Variants in DSCAML1 observed in about 807,000 individuals in gnomAD.
DSCAML1 encodes cell adhesion molecule DSCAML1.
DSCAML1 carries 38 observed loss-of-function variants against 200.5 expected under a neutral mutation model. The ratio of observed to expected loss-of-function variants is 0.19; its 90% confidence interval spans 0.15 to 0.25. DSCAML1 has a LOEUF of 0.25. Ranked by LOEUF, DSCAML1 falls within the 10% of genes least tolerant of loss-of-function variation. DSCAML1 has a pLI of 1.00. For missense variants in DSCAML1, 2,223 were observed against 2,858.8 expected (o/e 0.78, Z 5.07); for synonymous variants, 1,215 against 1,165.0 (o/e 1.04, Z -0.87).
At chr11:117,435,950 C>A (rs1444566211) in intron 26 of DSCAML1, 151 bp from the exon 27 acceptor site, 2 of 777,974 alleles carry the variant, frequency 2.6e-6, no homozygotes, top group African/African-American at 1.7e-5. Flanking sequence ...TTCCCCTCTG[C>A]TCCCCAAATT....
chr11:117,429,077 G>A (rs914751029), intron 32 of DSCAML1, among the ~76,000 whole-genome samples: 19 of 152,222 alleles, frequency 1.2e-4, no homozygotes, highest in Non-Finnish European at 2.2e-4. Context: ...TGCTACAGTG[G>A]CTGGTGCAGA....
chr11:117,703,561 T>C (rs1162998693), intron 3 of DSCAML1, among the ~76,000 whole-genome samples: 5 of 152,144 alleles, frequency 3.3e-5, no homozygotes, highest in Non-Finnish European at 2.9e-5. Context: ...TTAGGCCCAT[T>C]AGCCCATCCT....
chr11:117,703,057 G>A lies in DSCAML1; in HGVS notation c.511+73734C>T, dbSNP rs535446880. Among the ~76,000 whole-genome samples, 44 of 152,294 alleles carry A rather than the reference G, an allele frequency of 2.9e-4. No individual in the cohort carries two copies. In the South Asian group the frequency reaches 7.9e-3, roughly 27 times the overall value. ...TGTGACTGCAGTTGTGGGTCATGCC[G>A]TAAAGATGCACATAAAAGGGCTTAG... On this transcript the variant is annotated intron_variant, in intron 3 of 32. Transcript: ENST00000651296.
intron 3 of DSCAML1, among the ~76,000 whole-genome samples, chr11:117,640,981 G>A (rs367792255): frequency 1.4e-4 from 22 of 152,336 alleles, no homozygotes; most frequent in African/African-American, 5.1e-4. Flanking sequence ...CAGACACATA[G>A]CCGTAACTCT....
chr11:117,649,405 C>T (rs756707360), intron 3 of DSCAML1, among the ~76,000 whole-genome samples: 9 of 152,172 alleles, frequency 5.9e-5, no homozygotes, highest in Non-Finnish European at 1.2e-4. Flanking sequence ...AAGAGAAAGC[C>T]TTTCCCTTAA....
chr11:117,797,148 G>A lies in DSCAML1; in HGVS notation c.-69C>T, dbSNP rs1361324595. The stretch of plus-strand genomic sequence containing the variant: ...GGCCGTGCGGCAGCGCCTCTCCCCC[G>A]CTCAGCGCGCTCCCAGCCGCCCGCA... On this transcript the variant is annotated 5_prime_UTR_variant, in exon 1 of 33. Coordinates refer to ENST00000651296, the MANE Select transcript of DSCAML1 (RefSeq NM_020693.4). The A allele has an allele frequency of 3.1e-6, 5 of 1,588,372 alleles. No individual in the cohort carries two copies. Among genetic ancestry groups the A allele is most frequent in the Non-Finnish European group, 4.3e-6 (5 of 1,168,800 alleles).
At chr11:117,548,657 A>T (rs1482911256) in intron 3 of DSCAML1, among the ~76,000 whole-genome samples, 1 of 152,118 alleles carries the variant, frequency 6.6e-6, no homozygotes, top group African/African-American at 2.4e-5. Context: ...ACCTCCCCAT[A>T]ACAGCTGGGC....
chr11:117,694,811 T>C (rs2053560976), intron 3 of DSCAML1, among the ~76,000 whole-genome samples: 1 of 152,234 alleles, frequency 6.6e-6, no homozygotes, highest in African/African-American at 2.4e-5. Flanking sequence ...GGTGCAGATA[T>C]GAATGTATGA....
intron 3 of DSCAML1, among the ~76,000 whole-genome samples, chr11:117,749,560 G>A (rs1326284529): frequency 6.6e-6 from 1 of 152,218 alleles, no homozygotes; most frequent in Non-Finnish European, 1.5e-5. Context: ...ACAGCACCAG[G>A]CGACCAGCAG....
chr11:117,488,561 C>A (rs997689765), intron 11 of DSCAML1, among the ~76,000 whole-genome samples: 5 of 152,050 alleles, frequency 3.3e-5, no homozygotes, highest in African/African-American at 1.2e-4. Flanking sequence ...ACACACCACA[C>A]ACAGAGGGGC....
At chr11:117,600,080 A>G (rs80138815) in intron 3 of DSCAML1, among the ~76,000 whole-genome samples, 2,141 of 152,352 alleles carry the variant, frequency 0.014, 25 homozygotes, top group East Asian at 0.053. Context: ...TGGTAGAGGT[A>G]TGGCGAGAAG....
rs927877002 is a variant in DSCAML1 at position 117,566,847 on chromosome 11, C to A, written c.512-34325G>T. 2.6e-3 allele frequency among the ~76,000 whole-genome samples: 389 copies of A among 150,996 alleles called. 2 individuals are homozygous for A. The highest frequency in any genetic ancestry group is 4.0e-3 in the Admixed American group (60 of 15,148). ...TGCGGTGTTTGGTTTTTTGTTCTTG[C>A]GATAGTTTACTGAGAATGATGATTT... On this transcript the variant is annotated intron_variant, in intron 3 of 32. Transcript: ENST00000651296.
intron 8 of DSCAML1, among the ~76,000 whole-genome samples, chr11:117,512,643 TACACACACACAC>T (rs71037481): frequency 2.0e-3 from 250 of 125,198 alleles, no homozygotes; most frequent in African/African-American, 4.5e-3. Context: ...CAAGCGTGTG[TACACACACACAC>T]ACACACACAC....
intron 3 of DSCAML1, among the ~76,000 whole-genome samples, chr11:117,733,086 G>A (rs1231488315): frequency 4.6e-5 from 7 of 152,104 alleles, no homozygotes; most frequent in Admixed American, 3.9e-4. Flanking sequence ...CAGGAGAGGA[G>A]GACAGAGAGG....
intron 3 of DSCAML1, among the ~76,000 whole-genome samples, chr11:117,676,266 A>G (rs1382621405): frequency 6.8e-6 from 1 of 146,244 alleles, no homozygotes; most frequent in Non-Finnish European, 1.6e-5. Flanking sequence ...GGAATGAGGC[A>G]GAGATATTAG....
In DSCAML1 at chr11:117,518,471, AC is replaced by A. The variant is rs2049819083; in HGVS notation, c.1504del (p.Val502Ter). ...ATTTAAATGTAGACAGGCACCTCTT[AC>A]GTTTATTCGCGCCTGATATTCAGCA... ...GSAEYQARINVRGPPSIRAMR... is the reference protein window; with the variant it reads ...GSAEYQARINXRGPPSIRAMR... On this transcript the variant is annotated frameshift_variant, in exon 7 of 33. Transcript: ENST00000651296. LOFTEE classifies it high-confidence loss of function. The surrounding 1 kb of genome is among the most constrained non-coding windows in gnomAD (Gnocchi z 6.3). 6.2e-7 allele frequency: 1 copy of A among 1,614,066 alleles called. No homozygotes were observed. Among genetic ancestry groups the A allele is most frequent in the South Asian group, 1.1e-5 (1 of 91,082 alleles).
At chr11:117,636,175 C>A (rs2052278050) in intron 3 of DSCAML1, among the ~76,000 whole-genome samples, 1 of 152,152 alleles carries the variant, frequency 6.6e-6, no homozygotes, top group Admixed American at 6.5e-5. Context: ...GAGTTCTTAT[C>A]TGAATGAGGA....
chr11:117,719,690 T>C (rs867373354), intron 3 of DSCAML1, among the ~76,000 whole-genome samples: 54 of 152,338 alleles, frequency 3.5e-4, no homozygotes, highest in Non-Finnish European at 5.7e-4. Context: ...GTGAACTGAC[T>C]GGCCCAAGGG....
chr11:117,566,659 T>A (rs886636180), intron 3 of DSCAML1, among the ~76,000 whole-genome samples: 2 of 151,758 alleles, frequency 1.3e-5, no homozygotes, highest in African/African-American at 4.8e-5. Context: ...ACATGTGCCA[T>A]GCTGGTGTGC....
Sources: allele counts gnomAD v4.1 joint callset (sites outside exome capture counted in the v4.1 genomes callset), GRCh38; gene constraint gnomAD v4.1.1; non-coding constraint Gnocchi (gnomAD v3.1); transcripts MANE v1.5; gene names NCBI Gene and HGNC (gene_info 2026-07-23, HGNC 2026-07-21).